Variants in LMO7 observed in about 807,000 individuals in gnomAD.
LMO7 encodes LIM domain only protein 7.
In LMO7, 120 loss-of-function variants were observed where a neutral mutation model predicts 206.5. The observed-to-expected ratio is 0.58, with a 90% confidence interval of 0.50 to 0.68. The LOEUF is 0.68. Among genes scored for constraint, LMO7 ranks in the 30% least tolerant of loss-of-function variants. The pLI, the probability that LMO7 is intolerant of heterozygous loss-of-function variation, is 0.00. For missense variants in LMO7, 1,959 were observed against 1,957.9 expected (o/e 1.00, Z -0.01); for synonymous variants, 706 against 681.5 (o/e 1.04, Z -0.56).
intron 3 of LMO7, among the ~76,000 whole-genome samples, chr13:75,727,323 A>C (rs932545568): frequency 3.3e-5 from 5 of 151,816 alleles, no homozygotes; most frequent in Non-Finnish European, 7.4e-5. Flanking sequence ...TAATAAGAAA[A>C]ACTAGATGTA....
chr13:75,835,765 T>C (rs984164916), intron 18 of LMO7, among the ~76,000 whole-genome samples: 11 of 152,178 alleles, frequency 7.2e-5, no homozygotes, highest in African/African-American at 2.4e-4. Context: ...TTAGTTTTTG[T>C]GTAGGTGAAT....
At position 75,842,002 on chromosome 13, in the gene LMO7, A is replaced by T. The variant is rs1595465785; in HGVS notation, c.4031+19A>T. On this transcript the variant is annotated intron_variant, in intron 24 of 30. Coordinates refer to ENST00000377534, the MANE Select transcript of LMO7 (RefSeq NM_001306080.2). The stretch of plus-strand genomic sequence containing the variant: ...ACAGGAGGTATGTCCCCACAGCCAG[A>T]GGGTACAAAGGCTTAGCTGTATCCA... 6.4e-7 allele frequency: 1 copy of T among 1,566,978 alleles called. No homozygotes were observed. The highest frequency in any genetic ancestry group is 8.7e-7 in the Non-Finnish European group (1 of 1,145,140).
intron 1 of LMO7, among the ~76,000 whole-genome samples, chr13:75,702,972 T>G (rs1268682849): frequency 6.6e-6 from 1 of 152,242 alleles, no homozygotes; most frequent in Non-Finnish European, 1.5e-5. Flanking sequence ...CATCCAACCA[T>G]ATAGTCTTTC....
At chr13:75,726,725 G>T (rs1464567313) in intron 2 of LMO7, among the ~76,000 whole-genome samples, 2 of 152,126 alleles carry the variant, frequency 1.3e-5, no homozygotes, top group Non-Finnish European at 2.9e-5. Context: ...GGCAGTTGAA[G>T]CAGAACGAAA....
intron 1 of LMO7, among the ~76,000 whole-genome samples, chr13:75,654,812 T>A (rs761409563): frequency 6.6e-6 from 1 of 152,160 alleles, no homozygotes; most frequent in Non-Finnish European, 1.5e-5. Context: ...TTATACTTAT[T>A]TTTCAAATAT....
chr13:75,821,240 G>A lies in LMO7; in HGVS notation c.2271G>A (p.Val757=), dbSNP rs1215411000. The stretch of plus-strand genomic sequence containing the variant: ...GGAGAATGTATTCTTTTGATGATGT[G>A]CTGGAGGAAGGAAAGCGACCCCCTA... The part of the protein sequence containing the change: ...SRRRMYSFDD[V]LEEGKRPPTM... Residue 757 remains valine (V), a synonymous_variant, in exon 14 of 31, where the codon GTG becomes GTA. Coordinates refer to ENST00000377534, the MANE Select transcript of LMO7 (RefSeq NM_001306080.2). The A allele has an allele frequency of 6.2e-7, 1 of 1,613,886 alleles. No homozygotes were observed. Among genetic ancestry groups the A allele is most frequent in the African/African-American group, 1.3e-5 (1 of 74,904 alleles).
At chr13:75,657,497 A>G (rs2038170531) in intron 1 of LMO7, among the ~76,000 whole-genome samples, 1 of 152,136 alleles carries the variant, frequency 6.6e-6, no homozygotes, top group Non-Finnish European at 1.5e-5. Flanking sequence ...ATAGTTATGA[A>G]ACTCCTGAAC....
intron 28 of LMO7, 53 bp downstream of exon 28, chr13:75,853,441 T>G: frequency 6.9e-7 from 1 of 1,443,544 alleles, no homozygotes; most frequent in Non-Finnish European, 9.3e-7. Context: ...ATTTTTTCAT[T>G]AAAATATCCC....
intron 1 of LMO7, among the ~76,000 whole-genome samples, chr13:75,673,542 G>T (rs1180230051): frequency 6.6e-6 from 1 of 152,200 alleles, no homozygotes; most frequent in Non-Finnish European, 1.5e-5. Flanking sequence ...AACAAAGCAT[G>T]CAGATAAAGG....
At chr13:75,664,440 AG>A (rs1002335541) in intron 1 of LMO7, among the ~76,000 whole-genome samples, 6 of 152,118 alleles carry the variant, frequency 3.9e-5, no homozygotes, top group Admixed American at 2.6e-4. Context: ...ATGGACACTT[AG>A]GTTGCTTCCA....
At chr13:75,769,454 C>G (rs898957515) in intron 4 of LMO7, among the ~76,000 whole-genome samples, 1 of 151,770 alleles carries the variant, frequency 6.6e-6, no homozygotes, top group Non-Finnish European at 1.5e-5. Flanking sequence ...AAAACATGTT[C>G]CCAAAGAATT....
intron 3 of LMO7, among the ~76,000 whole-genome samples, chr13:75,732,836 C>G (rs1424208752): frequency 6.6e-6 from 1 of 152,196 alleles, no homozygotes; most frequent in Non-Finnish European, 1.5e-5. Context: ...AGTTTTCCTT[C>G]TAACAGACAG....
In LMO7 at chr13:75,853,128, C is replaced by T; in HGVS notation, c.4401C>T (p.Ser1467=). The T allele has an allele frequency of 6.2e-7, 1 of 1,612,698 alleles. No homozygotes were observed. Reference sequence around the variant, plus strand: ...TAGATAACCTGGACTCCCCCCGATCCAATTCTTGGAGACAGCCTCCTTGGC... The same window carrying T: ...TAGATAACCTGGACTCCCCCCGATCTAATTCTTGGAGACAGCCTCCTTGGC... The part of the protein sequence containing the change: ...ESLDNLDSPR[S]NSWRQPPWLN... The change falls in exon 28 of 31, where the codon TCC becomes TCT. Residue 1467 remains serine, a synonymous_variant. Transcript: ENST00000377534.
chr13:75,641,322 C>G (rs1452794278), intron 1 of LMO7, among the ~76,000 whole-genome samples: 1 of 152,218 alleles, frequency 6.6e-6, no homozygotes, highest in Non-Finnish European at 1.5e-5. Flanking sequence ...CTTGAAGTTG[C>G]AGACAGCATA....
intron 1 of LMO7, chr13:75,623,267 A>C (rs1426927069): frequency 7.3e-7 from 1 of 1,376,074 alleles, no homozygotes; most frequent in Admixed American, 1.7e-5. Flanking sequence ...GACTTTTTAC[A>C]CAGATATAAT....
At chr13:75,828,740 G>A (rs2058362609) in intron 15 of LMO7, among the ~76,000 whole-genome samples, 1 of 152,182 alleles carries the variant, frequency 6.6e-6, no homozygotes, top group East Asian at 1.9e-4. Flanking sequence ...GAGTAACTTA[G>A]GAGGGGTAAC....
intron 1 of LMO7, among the ~76,000 whole-genome samples, chr13:75,655,273 C>T (rs2037948058): frequency 1.3e-5 from 2 of 152,174 alleles, no homozygotes; most frequent in African/African-American, 4.8e-5. Context: ...CGGAGCTTGT[C>T]CCTCTGAAGC....
chr13:75,638,298 C>T (rs925408971), intron 1 of LMO7, among the ~76,000 whole-genome samples: 15 of 151,914 alleles, frequency 9.9e-5, no homozygotes, highest in South Asian at 2.1e-4. Context: ...TTTTGGAAAA[C>T]GATGAATTCC....
intron 4 of LMO7, among the ~76,000 whole-genome samples, chr13:75,778,879 C>A (rs1219866399): frequency 6.6e-6 from 1 of 152,124 alleles, no homozygotes; most frequent in South Asian, 2.1e-4. Flanking sequence ...TATTACTATA[C>A]CCCCAACTCT....
Sources: gnomAD v4.1 joint callset for allele counts (sites outside exome capture counted in the v4.1 genomes callset) on GRCh38, gnomAD v4.1.1 for gene constraint, MANE v1.5 for transcripts, NCBI Gene and HGNC (gene_info 2026-07-23, HGNC 2026-07-21) for gene names.